WWP2: variants seen among roughly 807,000 people sequenced by gnomAD.
The protein encoded by WWP2 is NEDD4-like E3 ubiquitin-protein ligase WWP2.
WWP2 carries 57 observed loss-of-function variants against 121.0 expected under a neutral mutation model. The observed-to-expected ratio is 0.47, with a 90% CI of 0.38 to 0.59. The LOEUF is 0.59. WWP2 is among the 20% of genes least tolerant of loss of function. The pLI, the probability that WWP2 is intolerant of heterozygous loss-of-function variation, is 0.00. For synonymous variants in WWP2, 449 were observed against 441.3 expected (o/e 1.02, Z -0.22); for missense variants, 962 against 1,158.9 (o/e 0.83, Z 2.47).
At chr16:69,923,325 G>GT in intron 10 of WWP2, among the ~76,000 whole-genome samples, 1 of 97,472 alleles carries the variant, frequency 1.0e-5, no homozygotes, top group Non-Finnish European at 1.9e-5. Flanking sequence ...GGGGGTGGGG[G>GT]GGGTGCGTTC....
At position 69,917,719 on chromosome 16, in the gene WWP2, C is replaced by T. The variant is rs1206637433; in HGVS notation, c.1015C>T (p.Arg339Cys). The change falls in exon 10 of 24, where the codon CGC becomes TGC. Residue 339 changes from arginine to cysteine, a missense_variant. By Grantham distance (180) the Arg-to-Cys change is radical. Coordinates refer to ENST00000359154, the MANE Select transcript of WWP2 (RefSeq NM_001270454.2). ...GGTTCCTATTTCCAGCTGGGAAAAA[C>T]GCACAGATCCCCGAGGCAGGTTTTA... The part of the protein sequence containing the change: ...ERPLPPGWEK[R>C]TDPRGRFYYV... The T allele has an allele frequency of 4.4e-6, 7 of 1,602,236 alleles. No individual in the cohort carries two copies. Among genetic ancestry groups the T allele is most frequent in the African/African-American group, 1.3e-5 (1 of 74,758 alleles).
At chr16:69,790,892 T>C (rs1464142289) in intron 2 of WWP2, among the ~76,000 whole-genome samples, 2 of 152,132 alleles carry the variant, frequency 1.3e-5, no homozygotes, top group Admixed American at 6.6e-5. Flanking sequence ...TAGCATCTTA[T>C]ATATTTAAGG....
intron 4 of WWP2, among the ~76,000 whole-genome samples, chr16:69,813,135 A>G (rs1257322626): frequency 6.7e-6 from 1 of 149,538 alleles, no homozygotes; most frequent in Non-Finnish European, 1.5e-5. Flanking sequence ...ATTTTATTCC[A>G]TGGGTTATAA....
In WWP2 at chr16:69,925,186, C is replaced by T. The variant is rs898398765; in HGVS notation, c.1180-244C>T. The stretch of plus-strand genomic sequence containing the variant: ...GTACCGCCTCCTCCCCGTCGCTCTG[C>T]CTTTTCCAAAACTCACTTGGGCCCT... On this transcript the variant is annotated intron_variant, in intron 10 of 23. Coordinates refer to ENST00000359154, the MANE Select transcript of WWP2 (RefSeq NM_001270454.2). This position sits in a 1 kb window ranked among gnomAD's most constrained non-coding sequence, Gnocchi z 4.0. 3.0e-6 allele frequency: 4 copies of T among 1,334,368 alleles called. No homozygotes were observed. Among genetic ancestry groups the T allele is most frequent in the Admixed American group, 3.3e-5 (1 of 30,492 alleles). 82.7% of individuals were successfully genotyped at this position (1,334,368 alleles called of 1,614,324 possible).
intron 9 of WWP2, 61 bp downstream of exon 9, chr16:69,908,911 C>T: frequency 6.2e-7 from 1 of 1,611,294 alleles, no homozygotes; most frequent in Non-Finnish European, 8.5e-7. Context: ...CACCCAATGG[C>T]TTCTTGAAAC....
intron 2 of WWP2, among the ~76,000 whole-genome samples, chr16:69,795,927 C>T (rs1056519502): frequency 6.6e-6 from 1 of 151,742 alleles, no homozygotes; most frequent in Non-Finnish European, 1.5e-5. Flanking sequence ...GGATTACAGG[C>T]GTGAGCCACC....
rs1435007585 is a variant in WWP2, at chr16:69,877,828, G to T, written c.703+5897G>T. On this transcript the variant is annotated intron_variant, in intron 7 of 23. Coordinates refer to ENST00000359154, the MANE Select transcript of WWP2 (RefSeq NM_001270454.2). Reference sequence around the variant, plus strand: ...TTTTATTTATTTATTTATTTATTGAGATGGAGTCTCATGCTGTTGCCCACG... The same window carrying T: ...TTTTATTTATTTATTTATTTATTGATATGGAGTCTCATGCTGTTGCCCACG... Among the ~76,000 whole-genome samples, 3 of 152,000 alleles carry T rather than the reference G, an allele frequency of 2.0e-5. No homozygotes were observed. The East Asian group carries it at 5.8e-4, about 29-fold the overall frequency.
intron 7 of WWP2, among the ~76,000 whole-genome samples, chr16:69,873,703 AATGGGG>A (rs1317536495): frequency 6.6e-6 from 1 of 152,162 alleles, no homozygotes. Context: ...AGTGTTTACA[AATGGGG>A]ATGGGGGACT....
chr16:69,909,034 T>G, intron 9 of WWP2, 184 bp downstream of exon 9: 1 of 1,374,556 alleles, frequency 7.3e-7, no homozygotes, highest in African/African-American at 1.5e-5. Context: ...CATATTAGAA[T>G]TATTAGAAGA....
At chr16:69,933,936 A>C in intron 16 of WWP2, 34 bp from the exon 17 acceptor site, 1 of 1,607,514 alleles carries the variant, frequency 6.2e-7, no homozygotes, top group Non-Finnish European at 8.5e-7. Context: ...GAAGGGACCC[A>C]TTATTCTTGT....
At chr16:69,939,192 A>G in intron 22 of WWP2, 69 bp downstream of exon 22, 1 of 1,558,796 alleles carries the variant, frequency 6.4e-7, no homozygotes, top group South Asian at 1.2e-5. Flanking sequence ...GGGGAAACCT[A>G]GTCTCTTCCT....
At chr16:69,827,030 T>C (rs12921407) in intron 4 of WWP2, among the ~76,000 whole-genome samples, 47,137 of 150,258 alleles carry the variant, frequency 0.31, 9,232 homozygotes, top group Non-Finnish European at 0.43. Context: ...ACACATCTAC[T>C]TGTCCTTCAT....
intron 6 of WWP2, among the ~76,000 whole-genome samples, chr16:69,859,919 G>A (rs1055389565): frequency 4.6e-5 from 6 of 129,488 alleles, no homozygotes; most frequent in South Asian, 2.7e-4. Flanking sequence ...TGTGGTACAC[G>A]ACGACATACT....
intron 6 of WWP2, among the ~76,000 whole-genome samples, chr16:69,858,875 G>A (rs1036989692): frequency 2.6e-5 from 4 of 152,128 alleles, no homozygotes; most frequent in African/African-American, 9.7e-5. Flanking sequence ...GTGTCTCCTT[G>A]AGGACATTAG....
rs201287506 is a variant in WWP2, at chr16:69,842,119, C to T, written c.574C>T (p.Arg192Trp). 208 of 1,611,856 alleles carry T rather than the reference C, an allele frequency of 1.3e-4. No individual in the cohort carries two copies. The highest frequency in any genetic ancestry group is 8.3e-4 in the Middle Eastern group (5 of 6,060). ...CACAAACTGCTTTGGTGGAAGATCC[C>T]GGTAAGACCCCCCTTGGTGAGGACA... ...PSTNCFGGRS[R>W]THRHSGASAR... The change falls in exon 6 of 24, where the codon CGG (arginine) becomes TGG (tryptophan). Residue 192 changes from arginine (R) to tryptophan (W), a missense_variant and splice_region_variant. Transcript: ENST00000359154.
chr16:69,868,705 A>T (rs2057575952), intron 6 of WWP2, among the ~76,000 whole-genome samples: 1 of 152,032 alleles, frequency 6.6e-6, no homozygotes, highest in African/African-American at 2.4e-5. Flanking sequence ...ACATACACAC[A>T]CAGATATACA....
At chr16:69,868,916 C>T (rs549855901) in intron 6 of WWP2, among the ~76,000 whole-genome samples, 13 of 152,168 alleles carry the variant, frequency 8.5e-5, no homozygotes, top group South Asian at 4.1e-4. Context: ...GACAGAGTCT[C>T]TCTCTGTGTT....
At chr16:69,840,356 A>G (rs1419991835) in intron 5 of WWP2, 93 bp downstream of exon 5, 2 of 1,556,524 alleles carry the variant, frequency 1.3e-6, no homozygotes, top group Non-Finnish European at 8.7e-7. Flanking sequence ...TTACTAGGCC[A>G]TCTTGGTTTG....
At chr16:69,841,915 G>T (rs2056985455) in intron 5 of WWP2, 109 bp from the exon 6 acceptor site, 1 of 1,067,058 alleles carries the variant, frequency 9.4e-7, no homozygotes. Flanking sequence ...TCCCGTGGTG[G>T]TGGGCAACTC....
Sources: allele counts gnomAD v4.1 joint callset (sites outside exome capture counted in the v4.1 genomes callset), GRCh38; gene constraint gnomAD v4.1.1; non-coding constraint Gnocchi (gnomAD v3.1); transcripts MANE v1.5; gene names NCBI Gene and HGNC (gene_info 2026-07-23, HGNC 2026-07-21).